Variants in LYPD4 observed in about 807,000 individuals in gnomAD.
LYPD4 encodes LY6/PLAUR domain containing 4, also known as ly6/PLAUR domain-containing protein 4.
LYPD4 carries 20 observed loss-of-function variants against 18.2 expected under a neutral mutation model. That is an observed-to-expected ratio of 1.10 (90% CI 0.77 to 1.59). The LOEUF is 1.59. Ranked by LOEUF, LYPD4 falls within the 40% of genes most tolerant of loss-of-function variation. The pLI is 0.00. For missense variants in LYPD4, 278 were observed against 300.3 expected (o/e 0.93, Z 0.55); for synonymous variants, 111 against 118.3 (o/e 0.94, Z 0.40).
In LYPD4 at chr19:41,838,099, A is replaced by G. The variant is rs35789931; in HGVS notation, c.374T>C (p.Val125Ala). Residue 125 changes from valine (V) to alanine (A), a missense_variant, in exon 4 of 5, where the codon GTG becomes GCG. Val to Ala is a moderately conservative substitution (Grantham distance 64, BLOSUM62 0). Transcript: ENST00000609812. ...CTTAGGAGTGCTGGCCTTGAGTTTC[A>G]CAAAAGGCTCCAAATTGGTGAGGTT... ...CNNLTNLEPF[V>A]KLKASTPKSI... 2.3e-5 allele frequency: 37 copies of G among 1,614,004 alleles called. No individual in the cohort carries two copies. Among genetic ancestry groups the G allele is most frequent in the Admixed American group, 1.7e-4 (10 of 59,996 alleles).
intron 1 of LYPD4, among the ~76,000 whole-genome samples, chr19:41,840,702 C>T (rs568891185): frequency 4.1e-4 from 63 of 151,988 alleles, no homozygotes; most frequent in East Asian, 9.7e-4. Context: ...TGGTCGTGGA[C>T]GCCTGTAGTC....
Position 41,840,254 on chromosome 19 carries a change from C to T in LYPD4, c.-120-849G>A, listed in dbSNP as rs561845191. Reference sequence around the variant, plus strand: ...CCAGCCCAGGCATCACGACAAAATGCCATCTCTACAAAAAATACAAAAATT... The same window carrying T: ...CCAGCCCAGGCATCACGACAAAATGTCATCTCTACAAAAAATACAAAAATT... On this transcript the variant is annotated intron_variant, in intron 1 of 4. Coordinates refer to ENST00000609812, the MANE Select transcript of LYPD4 (RefSeq NM_173506.7). 1.5e-4 allele frequency among the ~76,000 whole-genome samples: 23 copies of T among 152,114 alleles called. No homozygotes were observed. The South Asian group carries it at 4.1e-3, about 27-fold the overall frequency.
At chr19:41,839,136 T>C (rs782253178) in intron 2 of LYPD4, 83 bp downstream of exon 2, 2 of 1,612,612 alleles carry the variant, frequency 1.2e-6, no homozygotes, top group East Asian at 2.2e-5. Context: ...GAAACCTAGA[T>C]ACCCAGCCCT....
At chr19:41,840,005 C>T (rs903659544) in intron 1 of LYPD4, among the ~76,000 whole-genome samples, 1 of 151,128 alleles carries the variant, frequency 6.6e-6, no homozygotes, top group African/African-American at 2.4e-5. Context: ...ACCGAGATCG[C>T]GCCACTGCAC....
intron 1 of LYPD4, among the ~76,000 whole-genome samples, chr19:41,841,599 G>A (rs551886157): frequency 4.9e-4 from 72 of 147,796 alleles, no homozygotes; most frequent in African/African-American, 1.5e-3. Flanking sequence ...CCGGAAGCCA[G>A]AGGTTGCAGT....
Position 41,838,880 on chromosome 19 carries a change from C to T in LYPD4, c.211+1G>A, listed in dbSNP as rs368030545. ...AATTGATCAAACTTAGACTGCTTCACCTGTCTCAATGAACACTAGCGTCTC... is the reference window on the plus strand; with the variant it reads ...AATTGATCAAACTTAGACTGCTTCATCTGTCTCAATGAACACTAGCGTCTC... On this transcript the variant is annotated splice_donor_variant, in intron 3 of 4. Transcript: ENST00000609812. LOFTEE classifies it high-confidence loss of function. 7 of 1,613,648 alleles carry T rather than the reference C, an allele frequency of 4.3e-6. No homozygotes were observed. The African/African-American group carries it at 8.0e-5, about 18-fold the overall frequency.
At chr19:41,843,028 T>A (rs1346268593) in intron 1 of LYPD4, among the ~76,000 whole-genome samples, 3 of 59,332 alleles carry the variant, frequency 5.1e-5, no homozygotes, top group Admixed American at 2.6e-4. Flanking sequence ...CAAAACCCCA[T>A]CGCTAAAAAA....
intron 1 of LYPD4, among the ~76,000 whole-genome samples, chr19:41,842,782 A>C (rs2073646592): frequency 2.0e-5 from 3 of 148,438 alleles, no homozygotes; most frequent in South Asian, 2.1e-4. Flanking sequence ...AAAAAAAAAA[A>C]AAAAAAAAAA....
intron 1 of LYPD4, among the ~76,000 whole-genome samples, chr19:41,840,434 A>G (rs143788556): frequency 5.8e-4 from 89 of 152,342 alleles, no homozygotes; most frequent in African/African-American, 2.1e-3. Flanking sequence ...CTATGGTTAT[A>G]TAAGATGCCC....
downstream of LYPD4, chr19:41,835,674 G>C: frequency 7.2e-6 from 4 of 553,208 alleles, no homozygotes; most frequent in Non-Finnish European, 9.2e-6. Context: ...GACTATTCTG[G>C]CTTCCCAACC....
At chr19:41,837,795 C>T in intron 4 of LYPD4, 140 bp downstream of exon 4, 2 of 914,590 alleles carry the variant, frequency 2.2e-6, no homozygotes, top group Non-Finnish European at 3.2e-6. Context: ...CCTTCCCCTT[C>T]CTCCTTGGAA....
chr19:41,839,245 A>G lies in LYPD4; in HGVS notation c.41T>C (p.Leu14Pro). ...AGGCAGAGTGGAGATGGCCCCTAGA[A>G]GGCAGAACAGCTGCACAAGTCTCAA... ...QHLRLVQLFC[L>P]LGAISTLPRA... The change falls in exon 2 of 5, where the codon CTT becomes CCT. Residue 14 changes from leucine (L) to proline (P), a missense_variant. Transcript: ENST00000609812. 2 of 1,614,170 alleles carry G rather than the reference A, an allele frequency of 1.2e-6. No individual in the cohort carries two copies. Among genetic ancestry groups the G allele is most frequent in the South Asian group, 2.2e-5 (2 of 91,082 alleles).
rs560336042 is a variant in LYPD4 at position 41,839,524 on chromosome 19, C to T, written c.-120-119G>A. 129 of 541,022 alleles carry T rather than the reference C, an allele frequency of 2.4e-4. 1 individual carries two copies. The East Asian group carries it at 3.6e-3, about 15-fold the overall frequency. 33.5% of individuals were successfully genotyped at this position (541,022 alleles called of 1,614,324 possible). On this transcript the variant is annotated intron_variant, in intron 1 of 4. Coordinates refer to ENST00000609812, the MANE Select transcript of LYPD4 (RefSeq NM_173506.7). ...CAGTCTAACCTGCACCATCCACCAT[C>T]TTAGCTTCTCAAAGCAGGACTCTCA...
At chr19:41,839,062 T>C (rs2073484858) in intron 2 of LYPD4, 38 bp from the exon 3 acceptor site, 1 of 1,611,774 alleles carries the variant, frequency 6.2e-7, no homozygotes, top group Non-Finnish European at 8.5e-7. Flanking sequence ...TGGCCCCTCA[T>C]ATCATCTTCT....
At position 41,839,289 on chromosome 19, in the gene LYPD4, C is replaced by G. The variant is rs201827875; in HGVS notation, c.-4G>C. The G allele has an allele frequency of 3.1e-4, 500 of 1,614,118 alleles. No homozygotes were observed. Among genetic ancestry groups the G allele is most frequent in the Non-Finnish European group, 3.8e-4 (452 of 1,179,996 alleles). ...GTCTCAAATGCTGGGGTCCCATGGCCCTGTGTCTGGGTCCTGGGTGCTAGA... is the reference window on the plus strand; with the variant it reads ...GTCTCAAATGCTGGGGTCCCATGGCGCTGTGTCTGGGTCCTGGGTGCTAGA... On this transcript the variant is annotated 5_prime_UTR_variant, in exon 2 of 5. Transcript: ENST00000609812.
chr19:41,839,262 A>T lies in LYPD4; in HGVS notation c.24T>A (p.Leu8=). 6.2e-7 allele frequency: 1 copy of T among 1,614,174 alleles called. No individual in the cohort carries two copies. The highest frequency in any genetic ancestry group is 2.2e-5 in the East Asian group (1 of 44,880). MGPQHLR[L]VQLFCLLGAI... ...CCCCTAGAAGGCAGAACAGCTGCACAAGTCTCAAATGCTGGGGTCCCATGG... is the reference window on the plus strand; with the variant it reads ...CCCCTAGAAGGCAGAACAGCTGCACTAGTCTCAAATGCTGGGGTCCCATGG... The change falls in exon 2 of 5, where the codon CTT becomes CTA. Residue 8 remains leucine (L), a synonymous_variant. Transcript: ENST00000609812.
At chr19:41,839,715 T>A (rs1315106243) in intron 1 of LYPD4, 2 of 172,466 alleles carry the variant, frequency 1.2e-5, no homozygotes, top group African/African-American at 4.8e-5. Context: ...TAAGTTAACA[T>A]ATCACTAAAT....
At chr19:41,842,460 T>C (rs2073625995) in intron 1 of LYPD4, among the ~76,000 whole-genome samples, 1 of 151,906 alleles carries the variant, frequency 6.6e-6, no homozygotes, top group Non-Finnish European at 1.5e-5. Flanking sequence ...GTTGATTAGA[T>C]GTACACAGGA....
At chr19:41,838,852 C>A in intron 3 of LYPD4, 29 bp downstream of exon 3, 1 of 1,610,848 alleles carries the variant, frequency 6.2e-7, no homozygotes, top group Non-Finnish European at 8.5e-7. Flanking sequence ...GCAAGCAAAA[C>A]GAAATTGATC....
Sources: allele counts gnomAD v4.1 joint callset (sites outside exome capture counted in the v4.1 genomes callset), GRCh38; gene constraint gnomAD v4.1.1; transcripts MANE v1.5; gene names NCBI Gene and HGNC (gene_info 2026-07-23, HGNC 2026-07-21).